The following PCDH17 variants were observed in gnomAD, a reference collection of about 807,000 sequenced individuals.
PCDH17 encodes the protein protocadherin-17.
PCDH17 carries 21 observed loss-of-function variants against 67.7 expected under a neutral mutation model. The ratio of observed to expected loss-of-function variants is 0.31; its 90% CI spans 0.22 to 0.45. The LOEUF is 0.45. Ranked by LOEUF, PCDH17 falls within the 20% of genes least tolerant of loss-of-function variation. The pLI, the probability that PCDH17 is intolerant of heterozygous loss-of-function variation, is 1.00. For synonymous variants in PCDH17, 701 were observed against 656.7 expected, an observed-to-expected ratio of 1.07 and a Z score of -1.03; for missense variants, 1,471 against 1,564.8, an observed-to-expected ratio of 0.94 and a Z score of 1.01.
At chr13:57,718,952 C>G (rs1429182393) in intron 3 of PCDH17, among the ~76,000 whole-genome samples, 3 of 151,978 alleles carry the variant, frequency 2.0e-5, no homozygotes, top group Non-Finnish European at 4.4e-5. Flanking sequence ...AGCCAAAGGT[C>G]TTGGCTTGGC....
Position 57,632,957 on chromosome 13 carries a change from C to T in PCDH17, c.411C>T (p.Ile137=), listed in dbSNP as rs777918200. The part of the protein sequence containing the change: ...DNAPSFSSDQ[I]EMDISENAAP... The stretch of plus-strand genomic sequence containing the variant: ...CGCCCTCCTTCTCCTCGGACCAGAT[C>T]GAAATGGACATCTCGGAGAACGCTG... Residue 137 remains isoleucine, a synonymous_variant, in exon 1 of 4, where the codon ATC becomes ATT. Coordinates refer to ENST00000377918, the MANE Select transcript of PCDH17 (RefSeq NM_001040429.3). The T allele has an allele frequency of 6.2e-7, 1 of 1,613,850 alleles. No homozygotes were observed. Among genetic ancestry groups the T allele is most frequent in the East Asian group, 2.2e-5 (1 of 44,844 alleles).
At chr13:57,674,090 C>T (rs574030797) in intron 3 of PCDH17, among the ~76,000 whole-genome samples, 49 of 152,018 alleles carry the variant, frequency 3.2e-4, no homozygotes, top group Non-Finnish European at 6.2e-4. Context: ...ATATTTGTTG[C>T]ACATTGTAAA....
At chr13:57,722,768 G>T (rs532437592) in intron 3 of PCDH17, among the ~76,000 whole-genome samples, 1 of 151,910 alleles carries the variant, frequency 6.6e-6, no homozygotes, top group Non-Finnish European at 1.5e-5. Flanking sequence ...ACCTCACCTG[G>T]CTAATTTAAA....
chr13:57,716,964 C>G (rs1004092885), intron 3 of PCDH17, among the ~76,000 whole-genome samples: 1 of 151,926 alleles, frequency 6.6e-6, no homozygotes, highest in Non-Finnish European at 1.5e-5. Flanking sequence ...AATGTGCCCA[C>G]AAAATGTGAG....
chr13:57,653,139 A>C (rs1344765582), intron 1 of PCDH17, among the ~76,000 whole-genome samples: 1 of 152,128 alleles, frequency 6.6e-6, no homozygotes, highest in East Asian at 1.9e-4. Flanking sequence ...TCTCAGATTT[A>C]ATGTTAAATT....
In PCDH17 at chr13:57,634,400, C is replaced by G; in HGVS notation, c.1854C>G (p.Gly618=). 6.2e-7 allele frequency: 1 copy of G among 1,612,714 alleles called. No individual in the cohort carries two copies. Reference sequence around the variant, plus strand: ...TGCGCGCCCTAGACAGCGACTTCGGCGAGAGCGGGCGTCTCACCTACGAGA... The same window carrying G: ...TGCGCGCCCTAGACAGCGACTTCGGGGAGAGCGGGCGTCTCACCTACGAGA... ...STVRALDSDF[G]ESGRLTYEIV... Residue 618 remains glycine, a synonymous_variant, in exon 1 of 4, where the codon GGC becomes GGG. Coordinates refer to ENST00000377918, the MANE Select transcript of PCDH17 (RefSeq NM_001040429.3). This position sits in a 1 kb window ranked among gnomAD's most constrained non-coding sequence, Gnocchi z 7.8.
chr13:57,632,710 G>T lies in PCDH17; in HGVS notation c.164G>T (p.Gly55Val). 6.2e-7 allele frequency: 1 copy of T among 1,611,542 alleles called. No individual in the cohort carries two copies. The highest frequency in any genetic ancestry group is 8.5e-7 in the Non-Finnish European group (1 of 1,179,894). Reference protein sequence around the residue: ...QPGLPPAERGGGGRSKSGSYR... With the variant: ...QPGLPPAERGVGGRSKSGSYR... ...GGGCTTCCGCCTGCAGAGCGCGGCG[G>T]CGGAGGGCGCAGCAAGTCGGGTAGC... Residue 55 changes from glycine to valine, a missense_variant, in exon 1 of 4, where the codon GGC (glycine) becomes GTC (valine). Gly to Val is a moderately radical substitution (Grantham distance 109). This residue lies in a region of PCDH17 where 1,163 missense variants were observed against 1,230.0 expected (regional missense o/e 0.95). Coordinates refer to ENST00000377918, the MANE Select transcript of PCDH17 (RefSeq NM_001040429.3).
intron 1 of PCDH17, among the ~76,000 whole-genome samples, chr13:57,642,758 A>G (rs1017809345): frequency 6.6e-6 from 1 of 151,614 alleles, no homozygotes; most frequent in Non-Finnish European, 1.5e-5. Flanking sequence ...ATTAGGTTAT[A>G]TTTGAAATTC....
At chr13:57,655,730 T>G (rs1011762651) in intron 1 of PCDH17, among the ~76,000 whole-genome samples, 1 of 151,940 alleles carries the variant, frequency 6.6e-6, no homozygotes, top group Non-Finnish European at 1.5e-5. Context: ...ATAAAGCACA[T>G]TAAACATTAA....
chr13:57,695,182 G>A (rs547043956), intron 3 of PCDH17, among the ~76,000 whole-genome samples: 39 of 151,198 alleles, frequency 2.6e-4, no homozygotes, highest in African/African-American at 8.7e-4. Flanking sequence ...AAAATGGGAA[G>A]ATTGAGTTAC....
chr13:57,725,681 C>G lies in PCDH17; in HGVS notation c.*387C>G, dbSNP rs953583541. 6.0e-6 allele frequency: 1 copy of G among 167,568 alleles called. No individual in the cohort carries two copies. The highest frequency in any genetic ancestry group is 1.3e-5 in the Non-Finnish European group (1 of 76,902). The allele number at this position is 167,568 out of a possible 1,614,324, so 10.4% of individuals were successfully genotyped here. On this transcript the variant is annotated 3_prime_UTR_variant, in exon 4 of 4. Transcript: ENST00000377918. ...CTCAGACTGTCCTCCGTGATTTATG[C>G]TGACTTAACTGTTTACCTATAAACC...
At position 57,724,889 on chromosome 13, in the gene PCDH17, G is replaced by T. The variant is rs762858454; in HGVS notation, c.3075G>T (p.Leu1025=). The part of the protein sequence containing the change: ...VKPYLKAKRA[L]SPLLQEVPSA... ...CTTATTTAAAAGCCAAACGTGCCCT[G>T]AGCCCTCTCCTCCAAGAGGTCCCCT... Residue 1025 remains leucine (L), a synonymous_variant, in exon 4 of 4, where the codon CTG becomes CTT. Coordinates refer to ENST00000377918, the MANE Select transcript of PCDH17 (RefSeq NM_001040429.3). The T allele has an allele frequency of 1.9e-6, 3 of 1,614,128 alleles. No homozygotes were observed.
At chr13:57,650,218 T>TTTTGTG (rs3221653) in intron 1 of PCDH17, among the ~76,000 whole-genome samples, 1 of 137,480 alleles carries the variant, frequency 7.3e-6, no homozygotes, top group African/African-American at 2.8e-5. Flanking sequence ...GGACCCTTGA[T>TTTTGTG]TGTGTGTGTG....
At chr13:57,669,214 T>C (rs933283549) in intron 3 of PCDH17, among the ~76,000 whole-genome samples, 25 of 152,152 alleles carry the variant, frequency 1.6e-4, no homozygotes, top group African/African-American at 5.8e-4. Context: ...TTGATTTGAT[T>C]TATTCATTCA....
chr13:57,637,681 T>C (rs536439752), intron 1 of PCDH17, among the ~76,000 whole-genome samples: 1 of 152,158 alleles, frequency 6.6e-6, no homozygotes, highest in Non-Finnish European at 1.5e-5. Context: ...ATAGCATCTG[T>C]GTTCTGTTTG....
chr13:57,663,018 T>A (rs1207027389), intron 1 of PCDH17, among the ~76,000 whole-genome samples: 1 of 152,174 alleles, frequency 6.6e-6, no homozygotes, highest in Non-Finnish European at 1.5e-5. Context: ...TTTGTTATGA[T>A]CAAATAATCA....
chr13:57,634,775 C>T lies in PCDH17; in HGVS notation c.2229C>T (p.Arg743=). ...AGGAGATCCGCACTTACAACTGCCG[C>T]ATCGCCGAGTACAGCCACCCGCAGC... is the stretch of plus-strand genomic sequence containing the variant. The part of the protein sequence containing the change: ...ENKEIRTYNC[R]IAEYSHPQLG... The change falls in exon 1 of 4, where the codon CGC becomes CGT. Residue 743 remains arginine (R), a synonymous_variant. Coordinates refer to ENST00000377918, the MANE Select transcript of PCDH17 (RefSeq NM_001040429.3). This position sits in a 1 kb window ranked among gnomAD's most constrained non-coding sequence, Gnocchi z 7.8. 6.2e-7 allele frequency: 1 copy of T among 1,614,080 alleles called. No homozygotes were observed. The highest frequency in any genetic ancestry group is 8.5e-7 in the Non-Finnish European group (1 of 1,180,032).
At chr13:57,704,695 A>G (rs981865528) in intron 3 of PCDH17, among the ~76,000 whole-genome samples, 2 of 152,018 alleles carry the variant, frequency 1.3e-5, no homozygotes, top group Non-Finnish European at 2.9e-5. Context: ...TTGATTTTTC[A>G]TTTAAAGAAA....
chr13:57,647,317 A>G (rs1159455621), intron 1 of PCDH17, among the ~76,000 whole-genome samples: 5 of 151,782 alleles, frequency 3.3e-5, no homozygotes, highest in Admixed American at 2.6e-4. Flanking sequence ...GAAATAAATT[A>G]TTATTTATGT....
Sources: allele counts gnomAD v4.1 joint callset (sites outside exome capture counted in the v4.1 genomes callset), GRCh38; gene constraint gnomAD v4.1.1; regional missense constraint gnomAD v4.1.1; non-coding constraint Gnocchi (gnomAD v3.1); transcripts MANE v1.5; gene names NCBI Gene and HGNC (gene_info 2026-07-23, HGNC 2026-07-21).